DEK: variants seen among roughly 807,000 people sequenced by gnomAD.
DEK encodes protein DEK.
In DEK, 28 loss-of-function variants were observed where a neutral mutation model predicts 46.8. The ratio of observed to expected loss-of-function variants is 0.60; its 90% CI spans 0.44 to 0.82. The LOEUF is 0.82. Among genes scored for constraint, DEK ranks in the 40% least tolerant of loss-of-function variants. The pLI, the probability that DEK is intolerant of heterozygous loss-of-function variation, is 0.00. For synonymous variants in DEK, 160 were observed against 144.5 expected (o/e 1.11, Z -0.77); for missense variants, 416 against 430.6 (o/e 0.97, Z 0.30).
intron 7 of DEK, chr6:18,244,633 T>C: frequency 8.8e-7 from 1 of 1,134,014 alleles, no homozygotes. Context: ...AAATAAAAAT[T>C]AGCTTAAAAT....
At chr6:18,259,430 A>AAAAAAAAATAAATAAAT (rs1554162685) in intron 2 of DEK, among the ~76,000 whole-genome samples, 1 of 96,742 alleles carries the variant, frequency 1.0e-5, no homozygotes, top group Non-Finnish European at 2.4e-5. Context: ...AAAAAAAAAA[A>AAAAAAAAATAAATAAAT]AAATCTAGAA....
At chr6:18,239,239 T>C (rs1214023261) in intron 7 of DEK, among the ~76,000 whole-genome samples, 1 of 151,890 alleles carries the variant, frequency 6.6e-6, no homozygotes, top group Admixed American at 6.6e-5. Context: ...AACCTGTTTT[T>C]AAAGACATAA....
At chr6:18,241,778 A>T (rs1252767814) in intron 7 of DEK, among the ~76,000 whole-genome samples, 1 of 152,252 alleles carries the variant, frequency 6.6e-6, no homozygotes, top group Non-Finnish European at 1.5e-5. Context: ...TCATTTAAAA[A>T]TGGAAAAACC....
chr6:18,250,021 C>T (rs1465536605), intron 6 of DEK, among the ~76,000 whole-genome samples, 182 bp from the exon 7 acceptor site: 5 of 152,122 alleles, frequency 3.3e-5, no homozygotes, highest in African/African-American at 1.2e-4. Flanking sequence ...GTTACTAATA[C>T]CATTTGTGTT....
intron 7 of DEK, among the ~76,000 whole-genome samples, chr6:18,249,139 G>C (rs1445640453): frequency 6.6e-6 from 1 of 151,894 alleles, no homozygotes; most frequent in African/African-American, 2.4e-5. Flanking sequence ...CCAAATAAAA[G>C]AAAATGACAG....
chr6:18,237,266 C>G, intron 8 of DEK, 115 bp downstream of exon 8: 1 of 1,256,576 alleles, frequency 8.0e-7, no homozygotes, highest in Non-Finnish European at 1.1e-6. Flanking sequence ...TATTACTTCT[C>G]CCCGCAATGT....
At chr6:18,226,612 T>A (rs1790136523) in intron 9 of DEK, among the ~76,000 whole-genome samples, 1 of 152,146 alleles carries the variant, frequency 6.6e-6, no homozygotes, top group Non-Finnish European at 1.5e-5. Context: ...AGACCTTGTG[T>A]CTACAAAAAA....
chr6:18,264,014 G>C lies in DEK; in HGVS notation c.-9-18C>G. ...CTGTGAACCTGCATGCGGGAAGAAA[G>C]CCGGACGTCTCGGTCCTCCTACTCC... On this transcript the variant is annotated intron_variant, in intron 1 of 10. Transcript: ENST00000652689. The C allele has an allele frequency of 1.9e-6, 3 of 1,585,672 alleles. No individual in the cohort carries two copies. The highest frequency in any genetic ancestry group is 2.6e-6 in the Non-Finnish European group (3 of 1,166,034).
At chr6:18,250,552 G>A (rs561203692) in intron 6 of DEK, among the ~76,000 whole-genome samples, 59 of 143,122 alleles carry the variant, frequency 4.1e-4, no homozygotes, top group African/African-American at 1.3e-3. Flanking sequence ...TCCAATCGAA[G>A]GAATGGGAGA....
Position 18,225,033 on chromosome 6 carries a change from T to C in DEK, c.*686A>G, listed in dbSNP as rs962506878. 5 of 216,498 alleles carry C rather than the reference T, an allele frequency of 2.3e-5. No homozygotes were observed. The highest frequency in any genetic ancestry group is 1.1e-4 in the African/African-American group (5 of 44,410). 13.4% of individuals were successfully genotyped at this position (216,498 alleles called of 1,614,324 possible). The stretch of plus-strand genomic sequence containing the variant: ...ATACTGTTTGGCTGAACACTGACAT[T>C]CCATAGTCTACAACTATAAAGATAC... On this transcript the variant is annotated 3_prime_UTR_variant, in exon 11 of 11. Coordinates refer to ENST00000652689, the MANE Select transcript of DEK (RefSeq NM_003472.4).
Position 18,225,646 on chromosome 6 carries a change from C to A in DEK, c.*73G>T. 2.6e-6 allele frequency: 4 copies of A among 1,510,948 alleles called. No individual in the cohort carries two copies. The highest frequency in any genetic ancestry group is 1.2e-5 in the South Asian group (1 of 81,730). 93.6% of individuals were successfully genotyped at this position (1,510,948 alleles called of 1,614,324 possible). A position where few individuals can be genotyped will look rare whatever the true frequency, so the allele number is the denominator to read the frequency against. ...AAGGATTTAGAAAAGGAAATACATT[C>A]TCTTTGCTGGTATAATGGTATAAAT... is the stretch of plus-strand genomic sequence containing the variant. On this transcript the variant is annotated 3_prime_UTR_variant, in exon 11 of 11. Coordinates refer to ENST00000652689, the MANE Select transcript of DEK (RefSeq NM_003472.4).
intron 7 of DEK, among the ~76,000 whole-genome samples, chr6:18,242,645 T>G (rs1393638740): frequency 6.6e-6 from 1 of 152,220 alleles, no homozygotes; most frequent in Non-Finnish European, 1.5e-5. Context: ...AGCAGCCATC[T>G]TGGTTATCCT....
intron 10 of DEK, 94 bp downstream of exon 10, chr6:18,226,080 A>T: frequency 1.0e-6 from 1 of 995,766 alleles, no homozygotes; most frequent in Non-Finnish European, 1.4e-6. Flanking sequence ...TGTGATATTT[A>T]GTGACATGAA....
chr6:18,236,591 GACTC>G lies in DEK; in HGVS notation c.904_907del (p.Glu302LeufsTer10). 1 of 1,517,172 alleles carries G rather than the reference GACTC, an allele frequency of 6.6e-7. No individual in the cohort carries two copies. The highest frequency in any genetic ancestry group is 1.3e-5 in the South Asian group (1 of 74,304). The allele number at this position is 1,517,172 out of a possible 1,614,324, so 94.0% of individuals were successfully genotyped here. The stretch of plus-strand genomic sequence containing the variant: ...AGGTTCATCATCTGAACTATCCTCA[GACTC>G]ACTTTCTAAAAGTAATATAATAATA... On this transcript the variant is annotated frameshift_variant, in exon 9 of 11. Coordinates refer to ENST00000652689, the MANE Select transcript of DEK (RefSeq NM_003472.4). LOFTEE classifies it high-confidence loss of function.
intron 7 of DEK, among the ~76,000 whole-genome samples, chr6:18,242,828 T>C (rs1790952608): frequency 6.6e-6 from 1 of 152,188 alleles, no homozygotes; most frequent in Admixed American, 6.5e-5. Flanking sequence ...AAATCATATG[T>C]TGAGGTTTCT....
rs746235473 is a variant in DEK at position 18,263,912 on chromosome 6, G to C, written c.76C>G (p.Pro26Ala). 3 of 1,611,680 alleles carry C rather than the reference G, an allele frequency of 1.9e-6. No individual in the cohort carries two copies. In the East Asian group the frequency reaches 6.7e-5, roughly 36 times the overall value. The change falls in exon 2 of 11, where the codon CCC becomes GCC. Residue 26 changes from proline to alanine, a missense_variant. By Grantham distance (27) the Pro-to-Ala change is conservative (BLOSUM62 -1). Transcript: ENST00000652689. Reference protein sequence around the residue: ...QPASEKEPEMPGPREESEEEE... With the variant: ...QPASEKEPEMAGPREESEEEE... Reference sequence around the variant, plus strand: ...TCCTCGCTCTCCTCTCTGGGACCGGGCATTTCGGGTTCTTTCTCGGACGCG... The same window carrying C: ...TCCTCGCTCTCCTCTCTGGGACCGGCCATTTCGGGTTCTTTCTCGGACGCG...
chr6:18,229,610 C>T (rs995152372), intron 9 of DEK, among the ~76,000 whole-genome samples: 1 of 152,204 alleles, frequency 6.6e-6, no homozygotes, highest in South Asian at 2.1e-4. Context: ...ATTCGATCAA[C>T]TGGAAGAAAG....
chr6:18,232,418 C>G (rs1554158165), intron 9 of DEK, among the ~76,000 whole-genome samples: 1 of 152,162 alleles, frequency 6.6e-6, no homozygotes, highest in Non-Finnish European at 1.5e-5. Flanking sequence ...AAGAGGAACT[C>G]AAATTGTCCC....
At chr6:18,247,011 C>T (rs1169816027) in intron 7 of DEK, among the ~76,000 whole-genome samples, 1 of 152,176 alleles carries the variant, frequency 6.6e-6, no homozygotes, top group Non-Finnish European at 1.5e-5. Flanking sequence ...TGCAACTTTT[C>T]TTTATGGCTT....
Sources: gnomAD v4.1 joint callset for allele counts (sites outside exome capture counted in the v4.1 genomes callset) on GRCh38, gnomAD v4.1.1 for gene constraint, MANE v1.5 for transcripts, NCBI Gene and HGNC (gene_info 2026-07-23, HGNC 2026-07-21) for gene names.